Variants in WDPCP observed in about 807,000 individuals in gnomAD.
WDPCP encodes WD repeat-containing and planar cell polarity effector protein fritz homolog.
WDPCP carries 71 observed loss-of-function variants against 93.1 expected under a neutral mutation model. That is an observed-to-expected ratio of 0.76 (90% CI 0.63 to 0.93). WDPCP has a LOEUF of 0.93. Ranked by LOEUF, WDPCP falls within the 40% of genes least tolerant of loss-of-function variation. WDPCP has a pLI of 0.00. For synonymous variants in WDPCP, 315 were observed against 315.0 expected, an observed-to-expected ratio of 1.00 and a Z score of 0.00; for missense variants, 844 against 887.4, an observed-to-expected ratio of 0.95 and a Z score of 0.62.
At chr2:63,609,662 G>T (rs1227917421) in intron 3 of WDPCP, among the ~76,000 whole-genome samples, 1 of 152,084 alleles carries the variant, frequency 6.6e-6, no homozygotes, top group East Asian at 1.9e-4. Context: ...AGCTAAGGTG[G>T]GAGGATTGCA....
chr2:63,444,131 G>T (rs1258797434), intron 6 of WDPCP, among the ~76,000 whole-genome samples: 1 of 152,072 alleles, frequency 6.6e-6, no homozygotes, highest in Non-Finnish European at 1.5e-5. Context: ...AAGACAGAAA[G>T]AGATCTAAGG....
chr2:63,572,063 C>T lies in WDPCP; in HGVS notation c.75+16134G>A, dbSNP rs143286304. Reference sequence around the variant, plus strand: ...TCAGGCAAATCACAGAAGCAGTGGACGTATAGATAATCAGGCTCCAGAGGA... The same window carrying T: ...TCAGGCAAATCACAGAAGCAGTGGATGTATAGATAATCAGGCTCCAGAGGA... On this transcript the variant is annotated intron_variant, in intron 1 of 17. Coordinates refer to ENST00000272321, the MANE Select transcript of WDPCP (RefSeq NM_015910.7). Among the ~76,000 whole-genome samples the T allele has an allele frequency of 7.3e-4, 111 of 152,160 alleles. 1 individual carries two copies. In the East Asian group the frequency reaches 8.3e-3, roughly 11 times the overall value.
At chr2:63,506,440 G>GA (rs966108623) in intron 1 of WDPCP, among the ~76,000 whole-genome samples, 59 of 142,024 alleles carry the variant, frequency 4.2e-4, no homozygotes, top group African/African-American at 1.2e-3. Context: ...TGATAAAGGA[G>GA]AAAAAAAAAA....
chr2:63,737,791 A>C (rs2103844463), intron 2 of WDPCP, among the ~76,000 whole-genome samples: 1 of 152,362 alleles, frequency 6.6e-6, no homozygotes, highest in African/African-American at 2.4e-5. Flanking sequence ...CAAATAATTC[A>C]AGTTTTTGTT....
intron 2 of WDPCP, among the ~76,000 whole-genome samples, chr2:63,778,774 T>C (rs767011877): frequency 1.3e-5 from 2 of 152,214 alleles, no homozygotes; most frequent in African/African-American, 2.4e-5. Flanking sequence ...TCTTAACCTT[T>C]AGTCTCACTG....
intron 2 of WDPCP, among the ~76,000 whole-genome samples, chr2:63,755,403 G>A (rs553440380): frequency 7.9e-5 from 12 of 152,274 alleles, no homozygotes; most frequent in South Asian, 2.1e-4. Flanking sequence ...AGGACATGTC[G>A]TATAGTTGGT....
intron 12 of WDPCP, among the ~76,000 whole-genome samples, chr2:63,331,125 G>A (rs1687947401): frequency 6.6e-6 from 1 of 152,124 alleles, no homozygotes; most frequent in South Asian, 2.1e-4. Context: ...CACAGTGTTG[G>A]GATTACAGGC....
chr2:63,445,100 T>G (rs1169209838), intron 6 of WDPCP, among the ~76,000 whole-genome samples: 2 of 152,140 alleles, frequency 1.3e-5, no homozygotes, highest in Admixed American at 6.5e-5. Context: ...GATGACATCA[T>G]TAATTGAAAC....
chr2:63,697,875 T>C (rs1668981718), intron 2 of WDPCP, among the ~76,000 whole-genome samples: 1 of 152,024 alleles, frequency 6.6e-6, no homozygotes, highest in Non-Finnish European at 1.5e-5. Context: ...CTTGAACTCC[T>C]GAGTTCAAAA....
intron 14 of WDPCP, among the ~76,000 whole-genome samples, chr2:63,234,848 A>ATATTT (rs1429307018): frequency 6.6e-6 from 1 of 152,186 alleles, no homozygotes; most frequent in Non-Finnish European, 1.5e-5. Flanking sequence ...CAGAAATGAT[A>ATATTT]TATTTTTATG....
chr2:63,260,021 T>C (rs1008996491), intron 13 of WDPCP, among the ~76,000 whole-genome samples: 22 of 152,246 alleles, frequency 1.4e-4, no homozygotes, highest in African/African-American at 4.6e-4. Flanking sequence ...ATGTGCAGAG[T>C]GCTGTGGAGC....
At chr2:63,154,479 A>G (rs185911922) in intron 15 of WDPCP, among the ~76,000 whole-genome samples, 101 of 152,272 alleles carry the variant, frequency 6.6e-4, no homozygotes, top group African/African-American at 1.9e-3. Context: ...ACGTGTATCA[A>G]TGGTTCACTG....
At chr2:63,818,335 T>G (rs1198654707) in intron 1 of WDPCP, among the ~76,000 whole-genome samples, 1 of 152,198 alleles carries the variant, frequency 6.6e-6, no homozygotes, top group African/African-American at 2.4e-5. Flanking sequence ...AGAAAGGGCT[T>G]TCCGTTGCCT....
intron 1 of WDPCP, among the ~76,000 whole-genome samples, chr2:63,574,534 A>G (rs542065245): frequency 6.6e-6 from 1 of 152,306 alleles, no homozygotes; most frequent in South Asian, 2.1e-4. Context: ...ATTCATTTAT[A>G]GATTCATGCA....
chr2:63,139,845 T>C (rs1219635114), intron 17 of WDPCP, among the ~76,000 whole-genome samples: 1 of 152,144 alleles, frequency 6.6e-6, no homozygotes, highest in African/African-American at 2.4e-5. Flanking sequence ...TCTTTGTTTT[T>C]ATTGCATTTG....
intron 12 of WDPCP, among the ~76,000 whole-genome samples, chr2:63,314,612 G>C (rs1299447277): frequency 6.6e-6 from 1 of 151,900 alleles, no homozygotes; most frequent in African/African-American, 2.4e-5. Flanking sequence ...CCCTTCCTTA[G>C]ATGTGTTCTT....
intron 8 of WDPCP, among the ~76,000 whole-genome samples, chr2:63,435,688 G>C (rs779504805): frequency 6.6e-6 from 1 of 152,082 alleles, no homozygotes; most frequent in South Asian, 2.1e-4. Context: ...TGATGACCAA[G>C]AGGGAATGTA....
chr2:63,702,435 AT>A (rs1192289070), intron 2 of WDPCP, among the ~76,000 whole-genome samples: 3 of 152,218 alleles, frequency 2.0e-5, no homozygotes, highest in Non-Finnish European at 4.4e-5. Flanking sequence ...AAAAAGTAGA[AT>A]TTAAAAAAGT....
chr2:63,191,870 T>A (rs150581704), intron 14 of WDPCP, among the ~76,000 whole-genome samples: 1 of 152,316 alleles, frequency 6.6e-6, no homozygotes, highest in Non-Finnish European at 1.5e-5. Context: ...AGTGTCCAAA[T>A]AAAGTTTTAT....
Sources: gnomAD v4.1 joint callset for allele counts (sites outside exome capture counted in the v4.1 genomes callset) on GRCh38, gnomAD v4.1.1 for gene constraint, MANE v1.5 for transcripts, NCBI Gene and HGNC (gene_info 2026-07-23, HGNC 2026-07-21) for gene names.